Variants in NTM observed in about 807,000 individuals in gnomAD.
The protein encoded by NTM is neurotrimin.
NTM carries 13 observed loss-of-function variants against 42.1 expected under a neutral mutation model. The ratio of observed to expected loss-of-function variants is 0.31; its 90% CI spans 0.20 to 0.49. The LOEUF is 0.49. Ranked by LOEUF, NTM falls within the 20% of genes least tolerant of loss-of-function variation. The pLI is 0.99. For missense variants in NTM, 373 were observed against 452.8 expected (o/e 0.82, Z 1.60); for synonymous variants, 187 against 179.2 (o/e 1.04, Z -0.35).
At chr11:131,528,964 ACAGTGCCTAGCC>A (rs1176962112) in intron 1 of NTM, among the ~76,000 whole-genome samples, 1 of 152,196 alleles carries the variant, frequency 6.6e-6, no homozygotes, top group East Asian at 1.9e-4. Flanking sequence ...GGTATTCCCC[ACAGTGCCTAGCC>A]CAGTGCCTAG....
Position 131,413,884 on chromosome 11 carries a change from G to A in NTM, c.82+42996G>A, listed in dbSNP as rs139228897. Among the ~76,000 whole-genome samples the A allele has an allele frequency of 5.2e-3, 785 of 151,876 alleles. 7 individuals are homozygous for A. The highest frequency in any genetic ancestry group is 0.017 in the African/African-American group (720 of 41,368). The stretch of plus-strand genomic sequence containing the variant: ...TGGCTGTGAGGAGGGCAGGGGAGAC[G>A]AGGAGGGCAGGGGAGACCATGAGGA... On this transcript the variant is annotated intron_variant, in intron 1 of 8. Coordinates refer to ENST00000683400, the MANE Select transcript of NTM (RefSeq NM_001352005.2).
chr11:132,200,254 G>C (rs920033788), intron 3 of NTM, among the ~76,000 whole-genome samples: 1 of 152,184 alleles, frequency 6.6e-6, no homozygotes, highest in Non-Finnish European at 1.5e-5. Flanking sequence ...GTCGGATAAT[G>C]AGATGTGTCT....
At chr11:131,589,168 TG>T (rs1039730791) in intron 1 of NTM, among the ~76,000 whole-genome samples, 105 of 61,720 alleles carry the variant, frequency 1.7e-3, no homozygotes, top group African/African-American at 0.016. Flanking sequence ...CCTGGAAAAA[TG>T]TGTGTGTGTG....
intron 1 of NTM, among the ~76,000 whole-genome samples, chr11:131,451,134 AG>A (rs1225144992): frequency 2.0e-5 from 3 of 152,210 alleles, no homozygotes; most frequent in African/African-American, 7.2e-5. Context: ...AGAAAAAAAA[AG>A]GTATACATGC....
intron 7 of NTM, among the ~76,000 whole-genome samples, chr11:132,323,002 C>A (rs1226002273): frequency 7.3e-6 from 1 of 136,418 alleles, no homozygotes; most frequent in Non-Finnish European, 1.6e-5. Flanking sequence ...ACACAACATA[C>A]CAGAATCTCT....
chr11:131,603,346 A>T (rs887493688), intron 1 of NTM, among the ~76,000 whole-genome samples: 3 of 152,110 alleles, frequency 2.0e-5, no homozygotes, highest in Admixed American at 6.6e-5. Context: ...TCTTATTAAT[A>T]TGAAAAATAC....
At chr11:131,797,203 T>C (rs2091660165) in intron 1 of NTM, among the ~76,000 whole-genome samples, 1 of 152,188 alleles carries the variant, frequency 6.6e-6, no homozygotes, top group South Asian at 2.1e-4. Context: ...TTTCGTTGTT[T>C]TTTCCTTGTG....
At chr11:131,802,311 G>A (rs181963762) in intron 1 of NTM, among the ~76,000 whole-genome samples, 71 of 152,104 alleles carry the variant, frequency 4.7e-4, no homozygotes, top group Middle Eastern at 3.4e-3. Flanking sequence ...CTGCATTGTC[G>A]TGCCTCTTTT....
chr11:131,858,445 C>T (rs990138406), intron 1 of NTM, among the ~76,000 whole-genome samples: 7 of 152,242 alleles, frequency 4.6e-5, no homozygotes, highest in Middle Eastern at 3.4e-3. Context: ...CTTGTATCTC[C>T]GTCTTCTACT....
At chr11:131,684,424 C>CT (rs1486875143) in intron 1 of NTM, among the ~76,000 whole-genome samples, 10 of 152,246 alleles carry the variant, frequency 6.6e-5, no homozygotes, top group African/African-American at 2.4e-4. Flanking sequence ...TCCACTCTGC[C>CT]TGGAAACCTT....
chr11:132,228,787 A>G (rs1363984090), intron 4 of NTM, among the ~76,000 whole-genome samples: 2 of 152,044 alleles, frequency 1.3e-5, no homozygotes, highest in Non-Finnish European at 2.9e-5. Context: ...CTGCATCACC[A>G]GTTTCCTAGA....
chr11:132,108,434 G>A (rs187452638), intron 2 of NTM, among the ~76,000 whole-genome samples: 179 of 152,174 alleles, frequency 1.2e-3, no homozygotes, highest in African/African-American at 3.6e-3. Context: ...ACTCAGGAGC[G>A]GAAAAACAGA....
At chr11:131,571,577 T>C (rs1390315606) in intron 1 of NTM, among the ~76,000 whole-genome samples, 1 of 152,222 alleles carries the variant, frequency 6.6e-6, no homozygotes, top group Non-Finnish European at 1.5e-5. Context: ...TTAAAATAAC[T>C]GTGCCCTCTC....
chr11:131,584,306 C>G (rs146484762), intron 1 of NTM, among the ~76,000 whole-genome samples: 104 of 152,322 alleles, frequency 6.8e-4, no homozygotes, highest in African/African-American at 2.5e-3. Context: ...CGGCTACTAA[C>G]CCAGCCAGCA....
rs1030153821 is a variant in NTM, at chr11:131,596,460, C to T, written c.82+225572C>T. ...AATGTCATTTACAAAAGCAGGTGGC[C>T]GGCGGAATCTGGCCCAAGGCCCATG... On this transcript the variant is annotated intron_variant, in intron 1 of 8. Coordinates refer to ENST00000683400, the MANE Select transcript of NTM (RefSeq NM_001352005.2). Among the ~76,000 whole-genome samples, 17 of 152,164 alleles carry T rather than the reference C, an allele frequency of 1.1e-4. No homozygotes were observed. In the East Asian group the frequency reaches 1.2e-3, roughly 10 times the overall value.
chr11:131,402,896 A>AAGGAG (rs1168384953), intron 1 of NTM, among the ~76,000 whole-genome samples: 2 of 152,292 alleles, frequency 1.3e-5, no homozygotes, highest in East Asian at 3.9e-4. Flanking sequence ...TGTTGTCCAG[A>AAGGAG]AGGAGAAAGA....
At chr11:132,015,447 G>A (rs1031639524) in intron 2 of NTM, among the ~76,000 whole-genome samples, 7 of 151,442 alleles carry the variant, frequency 4.6e-5, no homozygotes, top group Admixed American at 1.3e-4. Flanking sequence ...TGGTGTTTTC[G>A]CAGGGATTGC....
chr11:131,631,910 T>C (rs974449750), intron 1 of NTM, among the ~76,000 whole-genome samples: 33 of 152,240 alleles, frequency 2.2e-4, no homozygotes, highest in Admixed American at 7.8e-4. Flanking sequence ...TGAGATTATC[T>C]TTTATTTATA....
At chr11:131,588,644 A>G (rs1440564541) in intron 1 of NTM, among the ~76,000 whole-genome samples, 3 of 152,242 alleles carry the variant, frequency 2.0e-5, no homozygotes, top group Non-Finnish European at 4.4e-5. Context: ...AAAGCCTGGA[A>G]TAATTATTTA....
Sources: gnomAD v4.1 joint callset for allele counts (sites outside exome capture counted in the v4.1 genomes callset) on GRCh38, gnomAD v4.1.1 for gene constraint, MANE v1.5 for transcripts, NCBI Gene and HGNC (gene_info 2026-07-23, HGNC 2026-07-21) for gene names.